The following KBTBD3 variants were observed in gnomAD, a reference collection of about 807,000 sequenced individuals.
The protein encoded by KBTBD3 is kelch repeat and BTB domain containing 3, also known as kelch repeat and BTB domain-containing protein 3.
KBTBD3 carries 38 observed loss-of-function variants against 49.6 expected under a neutral mutation model. The observed-to-expected ratio is 0.77, with a 90% CI of 0.59 to 1.00. The LOEUF (loss-of-function observed/expected upper bound fraction) is 1.00. KBTBD3 is among the 50% of genes least tolerant of loss of function. The pLI is 0.00. For missense variants in KBTBD3, 661 were observed against 712.0 expected, an observed-to-expected ratio of 0.93 and a Z score of 0.81; for synonymous variants, 214 against 250.4, an observed-to-expected ratio of 0.85 and a Z score of 1.37.
intron 2 of KBTBD3, among the ~76,000 whole-genome samples, chr11:106,065,440 A>T (rs1860790669): frequency 6.6e-6 from 1 of 152,236 alleles, no homozygotes; most frequent in Non-Finnish European, 1.5e-5. Context: ...TGAGCAAGGT[A>T]TATGGTTGAG....
chr11:106,074,205 C>T (rs1346351086), intron 2 of KBTBD3, among the ~76,000 whole-genome samples: 1 of 150,892 alleles, frequency 6.6e-6, no homozygotes, highest in South Asian at 2.1e-4. Flanking sequence ...ATTCTAGTAT[C>T]TTCCATCTTT....
chr11:106,065,368 C>A (rs567655801), intron 2 of KBTBD3, among the ~76,000 whole-genome samples: 37 of 152,156 alleles, frequency 2.4e-4, no homozygotes, highest in African/African-American at 8.7e-4. Context: ...TGCTACATAC[C>A]CAGTGCTGGT....
At chr11:106,072,040 T>C (rs961648317) in intron 2 of KBTBD3, among the ~76,000 whole-genome samples, 2 of 152,198 alleles carry the variant, frequency 1.3e-5, no homozygotes, top group African/African-American at 4.8e-5. Context: ...TTCACACTTA[T>C]CTGAAACTGA....
intron 3 of KBTBD3, among the ~76,000 whole-genome samples, chr11:106,055,070 A>G (rs943216237): frequency 2.6e-5 from 4 of 152,148 alleles, no homozygotes; most frequent in African/African-American, 7.2e-5. Flanking sequence ...CACATCAAGC[A>G]AAAAGGTGAA....
At chr11:106,075,032 T>C (rs1478153305) in intron 2 of KBTBD3, among the ~76,000 whole-genome samples, 2 of 152,152 alleles carry the variant, frequency 1.3e-5, no homozygotes, top group African/African-American at 4.8e-5. Flanking sequence ...CCATTGAAAT[T>C]AATACATGGA....
chr11:106,057,620 A>G (rs183570638), intron 3 of KBTBD3: 6 of 154,018 alleles, frequency 3.9e-5, no homozygotes, highest in African/African-American at 1.4e-4. Context: ...CATAGTGATT[A>G]CTGCAGTGTT....
chr11:106,065,158 TC>T (rs1211315248), intron 2 of KBTBD3, among the ~76,000 whole-genome samples: 1 of 152,160 alleles, frequency 6.6e-6, no homozygotes, highest in African/African-American at 2.4e-5. Flanking sequence ...ATGGTTTTGT[TC>T]AAAAATACAT....
chr11:106,068,725 G>T (rs1402920078), intron 2 of KBTBD3, among the ~76,000 whole-genome samples: 1 of 96,574 alleles, frequency 1.0e-5, no homozygotes, highest in African/African-American at 2.5e-5. Flanking sequence ...AGACAAAGAC[G>T]GTACCCAAAA....
chr11:106,054,613 ATAT>A (rs1429348219), intron 3 of KBTBD3, among the ~76,000 whole-genome samples, 158 bp from the exon 4 acceptor site: 3 of 151,656 alleles, frequency 2.0e-5, no homozygotes, highest in Non-Finnish European at 2.9e-5. Context: ...ATTATATAAT[ATAT>A]TATTTATCTG....
At position 106,054,085 on chromosome 11, in the gene KBTBD3, G is replaced by GAC. The variant is rs1860498392; in HGVS notation, c.602_603dup (p.Leu202ValfsTer7). On this transcript the variant is annotated frameshift_variant, in exon 4 of 4. Coordinates refer to ENST00000531837, the MANE Select transcript of KBTBD3 (RefSeq NM_198439.3). LOFTEE classifies it high-confidence loss of function. ...GGAACATTTAATTCATCTGATTCCAGACATTTCTGTAGTACTCCAAAATTC... is the reference window on the plus strand; with the variant it reads ...GGAACATTTAATTCATCTGATTCCAGACACATTTCTGTAGTACTCCAAAATTC... 6.2e-7 allele frequency: 1 copy of GAC among 1,613,320 alleles called. No homozygotes were observed. The highest frequency in any genetic ancestry group is 1.3e-5 in the African/African-American group (1 of 74,876).
Position 106,053,671 on chromosome 11 carries a change from A to G in KBTBD3, c.1018T>C (p.Tyr340His). The G allele has an allele frequency of 6.2e-7, 1 of 1,613,808 alleles. No homozygotes were observed. Among genetic ancestry groups the G allele is most frequent in the African/African-American group, 1.3e-5 (1 of 75,024 alleles). ...IDLPGSSLSS[Y>H]GEKIFLTGGC... The stretch of plus-strand genomic sequence containing the variant: ...CCTGTCAAGAATATTTTCTCTCCGT[A>G]ACTCGAAAGACTAGATCCTGGCAAA... The change falls in exon 4 of 4, where the codon TAC becomes CAC. Residue 340 changes from tyrosine (Y) to histidine (H), a missense_variant. By Grantham distance (83) the Tyr-to-His change is moderately conservative. Coordinates refer to ENST00000531837, the MANE Select transcript of KBTBD3 (RefSeq NM_198439.3).
intron 2 of KBTBD3, among the ~76,000 whole-genome samples, chr11:106,063,563 T>C (rs1434556339): frequency 6.6e-6 from 1 of 152,024 alleles, no homozygotes; most frequent in Non-Finnish European, 1.5e-5. Flanking sequence ...TAACTTCTAA[T>C]TTTTTATTAT....
rs145655224 is a variant in KBTBD3, at chr11:106,055,500, C to T, written c.234-1045G>A. ...GGGACTTGCAAAATGTTACACATTA[C>T]GCAGGGATTTTTAGTAATGTATATC... On this transcript the variant is annotated intron_variant, in intron 3 of 3. Coordinates refer to ENST00000531837, the MANE Select transcript of KBTBD3 (RefSeq NM_198439.3). Among the ~76,000 whole-genome samples, 607 of 152,178 alleles carry T rather than the reference C, an allele frequency of 4.0e-3. 2 individuals are homozygous for T. The highest frequency in any genetic ancestry group is 6.8e-3 in the Non-Finnish European group (463 of 68,012).
chr11:106,067,163 C>T (rs1457091808), intron 2 of KBTBD3, among the ~76,000 whole-genome samples: 5 of 152,232 alleles, frequency 3.3e-5, no homozygotes, highest in Admixed American at 3.3e-4. Context: ...CAGAAGACCA[C>T]ACAAAAAAAT....
Position 106,058,731 on chromosome 11 carries a change from G to GTTTTTTTTTT in KBTBD3, c.233+133_233+134insAAAAAAAAAA, listed in dbSNP as rs1565402456. The GTTTTTTTTTT allele has an allele frequency of 7.6e-6, 5 of 657,440 alleles. No homozygotes were observed. In the African/African-American group the frequency reaches 9.9e-5, roughly 13 times the overall value. The allele number at this position is 657,440 out of a possible 1,614,324, so 40.7% of individuals were successfully genotyped here. A position where few individuals can be genotyped will look rare whatever the true frequency, so the allele number is the denominator to read the frequency against. On this transcript the variant is annotated intron_variant, in intron 3 of 3. Coordinates refer to ENST00000531837, the MANE Select transcript of KBTBD3 (RefSeq NM_198439.3). Reference sequence around the variant, plus strand: ...GAGCCACCGTGCCCAGCCTAATTAGGTTTTGTTTTTGTTTTTTTTTTTAGA... The same window carrying GTTTTTTTTTT: ...GAGCCACCGTGCCCAGCCTAATTAGGTTTTTTTTTTTTTTGTTTTTGTTTTTTTTTTTAGA...
intron 3 of KBTBD3, among the ~76,000 whole-genome samples, chr11:106,055,180 T>C (rs2134996443): frequency 6.6e-6 from 1 of 152,354 alleles, no homozygotes; most frequent in East Asian, 1.9e-4. Context: ...AGTTTTGTTT[T>C]ATTGCTACAT....
Position 106,058,612 on chromosome 11 carries a change from C to T in KBTBD3, c.233+253G>A, listed in dbSNP as rs1860610819. ...CTAATTTTTGTATTTTTAGTAGAGACGGAGTTTCACCATGTTGGCCAGGCT... is the reference window on the plus strand; with the variant it reads ...CTAATTTTTGTATTTTTAGTAGAGATGGAGTTTCACCATGTTGGCCAGGCT... On this transcript the variant is annotated intron_variant, in intron 3 of 3. Transcript: ENST00000531837. 1.2e-5 allele frequency: 5 copies of T among 403,494 alleles called. No individual in the cohort carries two copies. The East Asian group carries it at 1.7e-4, about 13-fold the overall frequency. The allele number at this position is 403,494 out of a possible 1,614,324, so 25.0% of individuals were successfully genotyped here.
intron 2 of KBTBD3, among the ~76,000 whole-genome samples, chr11:106,071,607 T>C (rs1433606841): frequency 3.3e-5 from 5 of 152,196 alleles, no homozygotes; most frequent in Admixed American, 2.0e-4. Context: ...ATGTATATTC[T>C]ATACAGAATG....
rs765556288 is a variant in KBTBD3, at chr11:106,053,601, G to A, written c.1088C>T (p.Ala363Val). 1.1e-5 allele frequency: 18 copies of A among 1,613,694 alleles called. No homozygotes were observed. In the African/African-American group the frequency reaches 1.9e-4, roughly 17 times the overall value. Residue 363 changes from alanine (A) to valine (V), a missense_variant, in exon 4 of 4, where the codon GCC becomes GTC. Coordinates refer to ENST00000531837, the MANE Select transcript of KBTBD3 (RefSeq NM_198439.3). ...KCCRTVRLHI[A>V]ESYHDATDQT... is the part of the protein sequence containing the mutation. Reference sequence around the variant, plus strand: ...ATCAGTGGCATCATGATATGACTCGGCAATATGCAGTCGAACCGTTCGACA... The same window carrying A: ...ATCAGTGGCATCATGATATGACTCGACAATATGCAGTCGAACCGTTCGACA...
Sources: allele counts gnomAD v4.1 joint callset (sites outside exome capture counted in the v4.1 genomes callset), GRCh38; gene constraint gnomAD v4.1.1; transcripts MANE v1.5; gene names NCBI Gene and HGNC (gene_info 2026-07-23, HGNC 2026-07-21).